NGEF: variants seen among roughly 807,000 people sequenced by gnomAD.
NGEF encodes the protein ephexin-1.
Under a neutral mutation model 80.9 loss-of-function variants are expected in NGEF, and 31 were observed. The observed-to-expected ratio is 0.38, with a 90% CI of 0.29 to 0.52. The LOEUF (loss-of-function observed/expected upper bound fraction) is 0.52, where lower values mean the gene tolerates loss of function less well. Among genes scored for constraint, NGEF ranks in the 20% least tolerant of loss-of-function variants. The probability of loss-of-function intolerance (pLI) is 0.84; values close to 1 mark genes in which losing one functional copy is unlikely to be tolerated. For synonymous variants in NGEF, 371 were observed against 370.2 expected, an observed-to-expected ratio of 1.00 and a Z score of -0.03; for missense variants, 709 against 926.2, an observed-to-expected ratio of 0.77 and a Z score of 3.04.
intron 1 of NGEF, among the ~76,000 whole-genome samples, chr2:232,991,198 CACT>C (rs1327675107): frequency 6.6e-6 from 1 of 151,972 alleles, no homozygotes; most frequent in African/African-American, 2.4e-5. Context: ...CCACTCTCAC[CACT>C]ACTGTTCAAA....
chr2:232,914,497 G>A (rs1692752247), intron 5 of NGEF, among the ~76,000 whole-genome samples: 1 of 152,052 alleles, frequency 6.6e-6, no homozygotes, highest in Non-Finnish European at 1.5e-5. Flanking sequence ...GAGCTCAGGA[G>A]CTTGAGACCA....
In NGEF at chr2:232,953,143, A is replaced by C. The variant is rs192446716; in HGVS notation, c.383+17071T>G. Among the ~76,000 whole-genome samples, 27 of 151,808 alleles carry C rather than the reference A, an allele frequency of 1.8e-4. No individual in the cohort carries two copies. The East Asian group carries it at 5.2e-3, about 29-fold the overall frequency. Reference sequence around the variant, plus strand: ...ATGGTGAAACCCTGTCTCTACTAAAAATACAAAAATTAGCCAGGTGTGGTG... The same window carrying C: ...ATGGTGAAACCCTGTCTCTACTAAACATACAAAAATTAGCCAGGTGTGGTG... On this transcript the variant is annotated intron_variant, in intron 3 of 14. Transcript: ENST00000264051.
intron 3 of NGEF, among the ~76,000 whole-genome samples, chr2:232,951,760 C>A (rs1693683142): frequency 6.6e-6 from 1 of 152,200 alleles, no homozygotes; most frequent in Non-Finnish European, 1.5e-5. Context: ...GAAATCCCAA[C>A]ATGTTGTTTA....
intron 6 of NGEF, among the ~76,000 whole-genome samples, chr2:232,893,661 G>A (rs948441353): frequency 6.6e-6 from 1 of 152,146 alleles, no homozygotes; most frequent in African/African-American, 2.4e-5. Context: ...TGTAATCCCA[G>A]CTACTCGGGA....
chr2:232,884,692 C>T (rs1574985198), intron 10 of NGEF, among the ~76,000 whole-genome samples: 2 of 152,314 alleles, frequency 1.3e-5, no homozygotes, highest in South Asian at 4.1e-4. Flanking sequence ...GGGCAGGCGC[C>T]TGGCAGCCAT....
intron 5 of NGEF, 73 bp downstream of exon 5, chr2:232,920,211 G>A (rs1692907563): frequency 1.4e-6 from 2 of 1,458,520 alleles, no homozygotes; most frequent in Non-Finnish European, 1.9e-6. Context: ...CCCCCCAGAG[G>A]AAGCCTCACC....
intron 1 of NGEF, among the ~76,000 whole-genome samples, chr2:232,980,852 C>A (rs923902904): frequency 6.6e-6 from 1 of 152,124 alleles, no homozygotes; most frequent in Non-Finnish European, 1.5e-5. Flanking sequence ...CCTAGGGGAA[C>A]ACCGCCACCA....
chr2:232,952,315 C>A (rs574219815), intron 3 of NGEF, among the ~76,000 whole-genome samples: 13 of 152,356 alleles, frequency 8.5e-5, no homozygotes, highest in African/African-American at 2.9e-4. Context: ...AGAGCACCTA[C>A]GTGGCAAGAA....
At chr2:232,958,457 T>A (rs1217152957) in intron 3 of NGEF, among the ~76,000 whole-genome samples, 15 of 151,916 alleles carry the variant, frequency 9.9e-5, no homozygotes, top group Non-Finnish European at 1.9e-4. Flanking sequence ...TGCCCGGGAG[T>A]CGGCATGCAT....
chr2:232,923,690 G>A (rs1347744645), intron 4 of NGEF, among the ~76,000 whole-genome samples: 1 of 152,152 alleles, frequency 6.6e-6, no homozygotes, highest in Non-Finnish European at 1.5e-5. Flanking sequence ...AGCCAAGATT[G>A]TGCCATTTCA....
chr2:232,928,057 G>C (rs1049993065), intron 3 of NGEF: 1 of 1,163,734 alleles, frequency 8.6e-7, no homozygotes, highest in Non-Finnish European at 1.1e-6. Context: ...GGGGCCCTGG[G>C]CTGGGTCGGG....
At chr2:232,913,259 G>A (rs1323777005) in intron 5 of NGEF, among the ~76,000 whole-genome samples, 1 of 152,188 alleles carries the variant, frequency 6.6e-6, no homozygotes, top group African/African-American at 2.4e-5. Context: ...AGGGATTATT[G>A]AGAAGTGTGT....
At chr2:233,009,504 A>G (rs1191487745) in intron 1 of NGEF, among the ~76,000 whole-genome samples, 1 of 152,044 alleles carries the variant, frequency 6.6e-6, no homozygotes, top group African/African-American at 2.4e-5. Context: ...TTTTAAACTC[A>G]TCAGCAACTT....
chr2:232,940,023 C>T (rs1003058373), intron 3 of NGEF, among the ~76,000 whole-genome samples: 1 of 151,732 alleles, frequency 6.6e-6, no homozygotes, highest in African/African-American at 2.4e-5. Flanking sequence ...TTTGAGGTCT[C>T]ACGAGAAGAC....
chr2:232,962,063 C>T (rs1453231765), intron 3 of NGEF, among the ~76,000 whole-genome samples: 3 of 152,252 alleles, frequency 2.0e-5, no homozygotes, highest in Non-Finnish European at 4.4e-5. Context: ...AGCATCCTTA[C>T]AATATCCCTC....
In NGEF at chr2:232,885,572, T is replaced by C. The variant is rs1435340203; in HGVS notation, c.1348-203A>G. The stretch of plus-strand genomic sequence containing the variant: ...GGGCAAAGGCAAGTGGGAAAACCTG[T>C]TAGTTTGGGTGGAGAAAGTTGGTGC... On this transcript the variant is annotated intron_variant, in intron 9 of 14. Transcript: ENST00000264051. 6 of 575,626 alleles carry C rather than the reference T, an allele frequency of 1.0e-5. No homozygotes were observed. The African/African-American group carries it at 1.1e-4, about 11-fold the overall frequency. The allele number at this position is 575,626 out of a possible 1,614,324, so 35.7% of individuals were successfully genotyped here.
At chr2:233,007,402 G>T (rs1296200725) in intron 1 of NGEF, among the ~76,000 whole-genome samples, 1 of 152,174 alleles carries the variant, frequency 6.6e-6, no homozygotes, top group Non-Finnish European at 1.5e-5. Context: ...CCAGGTAGCC[G>T]CCAGGTAGCT....
intron 3 of NGEF, among the ~76,000 whole-genome samples, chr2:232,964,147 A>G (rs780324378): frequency 6.6e-6 from 1 of 152,184 alleles, no homozygotes; most frequent in Admixed American, 6.5e-5. Flanking sequence ...GTGGGAGTGT[A>G]AAACAGTACA....
intron 5 of NGEF, among the ~76,000 whole-genome samples, chr2:232,905,405 T>G (rs1692478115): frequency 6.6e-6 from 1 of 152,182 alleles, no homozygotes; most frequent in African/African-American, 2.4e-5. Context: ...AACTCAGTGC[T>G]CAATGGTGCC....
Sources: allele counts gnomAD v4.1 joint callset (sites outside exome capture counted in the v4.1 genomes callset), GRCh38; gene constraint gnomAD v4.1.1; transcripts MANE v1.5; gene names NCBI Gene and HGNC (gene_info 2026-07-23, HGNC 2026-07-21).